Variants in POTEF observed in about 807,000 individuals in gnomAD.
POTEF encodes ANKRD26-like family C member 1B.
POTEF carries 20 observed loss-of-function variants against 83.2 expected under a neutral mutation model. The ratio of observed to expected loss-of-function variants is 0.24; its 90% CI spans 0.17 to 0.35. The LOEUF is 0.35. Among genes scored for constraint, POTEF ranks in the 10% least tolerant of loss-of-function variants. POTEF has a pLI of 1.00. For synonymous variants in POTEF, 196 were observed against 446.4 expected (o/e 0.44, Z 7.07); for missense variants, 550 against 1,203.2 (o/e 0.46, Z 8.03).
intron 2 of POTEF, among the ~76,000 whole-genome samples, chr2:130,122,980 C>T (rs2104831244): frequency 7.2e-6 from 1 of 138,602 alleles, no homozygotes; most frequent in African/African-American, 2.7e-5. Context: ...GATGCCTTTC[C>T]TTTCTTTGCC....
intron 5 of POTEF, among the ~76,000 whole-genome samples, chr2:130,114,136 T>C (rs1267011538): frequency 2.7e-5 from 4 of 150,776 alleles, no homozygotes; most frequent in Non-Finnish European, 5.9e-5. Flanking sequence ...TTACCACCTA[T>C]TCACTGCCAA....
intron 4 of POTEF, 43 bp downstream of exon 4, chr2:130,115,171 A>C (rs780596282): frequency 6.2e-7 from 1 of 1,612,276 alleles, no homozygotes; most frequent in South Asian, 1.1e-5. Flanking sequence ...CCATGTATTG[A>C]AATCAAACCC....
At chr2:130,076,214 T>C (rs560541511) in intron 16 of POTEF, among the ~76,000 whole-genome samples, 10 of 125,708 alleles carry the variant, frequency 8.0e-5, no homozygotes, top group African/African-American at 2.2e-4. Flanking sequence ...CTACATATAA[T>C]ACTGAACTCA....
chr2:130,126,418 A>C (rs1452447733), intron 2 of POTEF, among the ~76,000 whole-genome samples: 1 of 152,142 alleles, frequency 6.6e-6, no homozygotes, highest in Admixed American at 6.5e-5. Context: ...TGACTCCTGC[A>C]TAGCTCCAAA....
intron 2 of POTEF, among the ~76,000 whole-genome samples, chr2:130,125,432 T>G (rs1480644425): frequency 6.7e-6 from 1 of 150,066 alleles, no homozygotes; most frequent in Non-Finnish European, 1.5e-5. Flanking sequence ...AGTGTTCAAA[T>G]TATAGGCCTT....
intron 3 of POTEF, among the ~76,000 whole-genome samples, chr2:130,119,198 C>G (rs1684930100): frequency 6.7e-6 from 1 of 150,026 alleles, no homozygotes; most frequent in Non-Finnish European, 1.5e-5. Context: ...GAGTCTCGCT[C>G]TGTTGCCCAG....
rs918466402 is a variant in POTEF at position 130,101,490 on chromosome 2, T to G, written c.1197+620A>C. On this transcript the variant is annotated intron_variant, in intron 9 of 16. Coordinates refer to ENST00000409914, the MANE Select transcript of POTEF (RefSeq NM_001099771.2). Reference sequence around the variant, plus strand: ...ATATGATTCTTGTAATAGGCAGCTGTGTTGCTTTTATGACCTGGTTCCCTC... The same window carrying G: ...ATATGATTCTTGTAATAGGCAGCTGGGTTGCTTTTATGACCTGGTTCCCTC... Among the ~76,000 whole-genome samples, 8 of 149,064 alleles carry G rather than the reference T, an allele frequency of 5.4e-5. 1 individual carries two copies. The highest frequency in any genetic ancestry group is 4.0e-4 in the Admixed American group (6 of 15,070).
rs1685178406 is a variant in POTEF at position 130,129,210 on chromosome 2, G to C, written c.-388C>G. The C allele has an allele frequency of 7.1e-6, 1 of 140,184 alleles. No homozygotes were observed. Among genetic ancestry groups the C allele is most frequent in the Admixed American group, 7.5e-5 (1 of 13,274 alleles). 8.7% of individuals were successfully genotyped at this position (140,184 alleles called of 1,614,324 possible). On this transcript the variant is annotated 5_prime_UTR_variant, in exon 1 of 17. Transcript: ENST00000409914. ...TTCTACTCGTCTTCCTGCCTGGCAG[G>C]AGAAGCTCCCGCTACTGGTTGCCCT...
intron 8 of POTEF, 90 bp downstream of exon 8, chr2:130,107,919 C>T (rs1573607810): frequency 1.3e-6 from 2 of 1,574,704 alleles, no homozygotes; most frequent in Non-Finnish European, 1.7e-6. Flanking sequence ...TCCCCCAGCC[C>T]ATGGAAAAAT....
At chr2:130,105,938 C>T (rs529762150) in intron 8 of POTEF, among the ~76,000 whole-genome samples, 3 of 150,786 alleles carry the variant, frequency 2.0e-5, no homozygotes, top group Non-Finnish European at 2.9e-5. Flanking sequence ...CAGGTATTTA[C>T]CTTCCCAGTG....
chr2:130,126,029 C>CGTG (rs1015745505), intron 2 of POTEF, among the ~76,000 whole-genome samples: 5 of 151,280 alleles, frequency 3.3e-5, no homozygotes, highest in African/African-American at 1.2e-4. Context: ...GAGAGCCAGG[C>CGTG]GTGGTGGCTC....
At chr2:130,120,848 A>G in intron 2 of POTEF, 1 of 419,798 alleles carries the variant, frequency 2.4e-6, no homozygotes, top group South Asian at 2.4e-5. Flanking sequence ...GGAACACGAG[A>G]GAGAAAACGT....
At chr2:130,091,286 CA>C (rs1238768314) in intron 12 of POTEF, among the ~76,000 whole-genome samples, 1 of 106,668 alleles carries the variant, frequency 9.4e-6, no homozygotes, top group Non-Finnish European at 1.9e-5. Flanking sequence ...GCAGAAAAAA[CA>C]TAAGTCTATT....
Position 130,112,033 on chromosome 2 carries a change from C to G in POTEF, c.879G>C (p.Lys293Asn). 8.3e-7 allele frequency: 1 copy of G among 1,199,488 alleles called. No individual in the cohort carries two copies. The highest frequency in any genetic ancestry group is 1.2e-6 in the Non-Finnish European group (1 of 864,400). The allele number at this position is 1,199,488 out of a possible 1,614,324, so 74.3% of individuals were successfully genotyped here. A position where few individuals can be genotyped will look rare whatever the true frequency, so the allele number is the denominator to read the frequency against. Residue 293 changes from lysine to asparagine, a missense_variant, in exon 6 of 17, where the codon AAG becomes AAC. Transcript: ENST00000409914. ...QKQQVVKFLIKKKANLNALDR... is the reference protein window; with the variant it reads ...QKQQVVKFLINKKANLNALDR... ...CCAGTGCATTTAAATTCGCTTTTTT[C>G]TTAATTAAAAATTTCACGACTTGCT...
At position 130,104,458 on chromosome 2, in the gene POTEF, TGTTA is replaced by T. The variant is rs1261387503; in HGVS notation, c.1127-2282_1127-2279del. On this transcript the variant is annotated intron_variant, in intron 8 of 16. Transcript: ENST00000409914. ...AAACACTCTTTCTCTTTTTTCATTTTGTTATTTATATATTGCTTTGTTTAAAGGA... is the reference window on the plus strand; with the variant it reads ...AAACACTCTTTCTCTTTTTTCATTTTTTTATATATTGCTTTGTTTAAAGGA... Among the ~76,000 whole-genome samples, 12 of 149,076 alleles carry T rather than the reference TGTTA, an allele frequency of 8.0e-5. No individual in the cohort carries two copies. The East Asian group carries it at 2.3e-3, about 29-fold the overall frequency.
intron 2 of POTEF, among the ~76,000 whole-genome samples, chr2:130,127,001 A>G (rs889937582): frequency 6.6e-6 from 1 of 151,988 alleles, no homozygotes; most frequent in Non-Finnish European, 1.5e-5. Flanking sequence ...AAAATTTGAA[A>G]AAGTCCAAGA....
chr2:130,109,146 A>G (rs890502127), intron 7 of POTEF: 5 of 151,192 alleles, frequency 3.3e-5, no homozygotes, highest in African/African-American at 9.9e-5. Flanking sequence ...GCTTTGATTC[A>G]CACTATTTCC....
intron 2 of POTEF, among the ~76,000 whole-genome samples, chr2:130,122,249 C>T (rs539001709): frequency 4.1e-4 from 62 of 150,708 alleles, no homozygotes; most frequent in Admixed American, 1.1e-3. Flanking sequence ...TTGTTTCCTA[C>T]TTTTTGTTGC....
intron 2 of POTEF, among the ~76,000 whole-genome samples, chr2:130,127,079 T>C (rs1401417166): frequency 6.6e-6 from 1 of 151,798 alleles, no homozygotes; most frequent in Non-Finnish European, 1.5e-5. Context: ...CCTAGCACTT[T>C]GGGAGGCCAA....
Sources: gnomAD v4.1 joint callset for allele counts (sites outside exome capture counted in the v4.1 genomes callset) on GRCh38, gnomAD v4.1.1 for gene constraint, MANE v1.5 for transcripts, NCBI Gene and HGNC (gene_info 2026-07-23, HGNC 2026-07-21) for gene names.